The following DNAH11 variants were observed in gnomAD, a reference collection of about 807,000 sequenced individuals.
The protein encoded by DNAH11 is dynein axonemal heavy chain 11.
In DNAH11, 442 loss-of-function variants were observed where a neutral mutation model predicts 526.0. That is an observed-to-expected ratio of 0.84 (90% confidence interval 0.78 to 0.91). DNAH11 has a LOEUF of 0.91. DNAH11 is among the 40% of genes least tolerant of loss of function. DNAH11 has a pLI of 0.00. For missense variants in DNAH11, 6,989 were observed against 5,448.7 expected, an observed-to-expected ratio of 1.28 and a Z score of -8.90; for synonymous variants, 2,461 against 1,935.9, an observed-to-expected ratio of 1.27 and a Z score of -7.12.
At chr7:21,627,985 T>G (rs937876151) in intron 25 of DNAH11, among the ~76,000 whole-genome samples, 2 of 152,168 alleles carry the variant, frequency 1.3e-5, no homozygotes, top group Non-Finnish European at 2.9e-5. Flanking sequence ...ATAGAAACTT[T>G]CACTTTTCAT....
At chr7:21,758,289 A>T (rs556979827) in intron 54 of DNAH11, among the ~76,000 whole-genome samples, 23 of 152,248 alleles carry the variant, frequency 1.5e-4, no homozygotes, top group Admixed American at 2.6e-4. Flanking sequence ...AAAAGGTGCA[A>T]CCTTGTACTC....
intron 54 of DNAH11, among the ~76,000 whole-genome samples, chr7:21,762,180 CGAGAT>C (rs900776062): frequency 6.6e-6 from 1 of 152,096 alleles, no homozygotes; most frequent in African/African-American, 2.4e-5. Flanking sequence ...GATTTCAACT[CGAGAT>C]GAGATTTGGG....
chr7:21,863,367 C>T (rs1323633900), intron 69 of DNAH11, among the ~76,000 whole-genome samples: 1 of 152,116 alleles, frequency 6.6e-6, no homozygotes, highest in African/African-American at 2.4e-5. Flanking sequence ...CTCGCTGTGT[C>T]GCCAGGCTGG....
At chr7:21,555,835 C>T (rs1409921048) in intron 2 of DNAH11, among the ~76,000 whole-genome samples, 2 of 152,252 alleles carry the variant, frequency 1.3e-5, no homozygotes, top group South Asian at 4.2e-4. Context: ...TGTTTCTGCT[C>T]TCGACTGGAG....
At chr7:21,752,694 A>AT (rs1367058751) in intron 54 of DNAH11, among the ~76,000 whole-genome samples, 1 of 151,766 alleles carries the variant, frequency 6.6e-6, no homozygotes, top group Non-Finnish European at 1.5e-5. Context: ...AATCTTTTTT[A>AT]TTTTTTATTT....
At chr7:21,719,431 G>GA (rs765409870) in intron 43 of DNAH11, among the ~76,000 whole-genome samples, 1 of 152,186 alleles carries the variant, frequency 6.6e-6, no homozygotes, top group Non-Finnish European at 1.5e-5. Context: ...TACTGTGGGA[G>GA]AAAATAGAAG....
At chr7:21,864,730 A>G in intron 70 of DNAH11, 73 bp downstream of exon 70, 1 of 1,423,980 alleles carries the variant, frequency 7.0e-7, no homozygotes, top group Non-Finnish European at 9.3e-7. Context: ...GTTGAAATGT[A>G]AACATTAAAG....
intron 48 of DNAH11, among the ~76,000 whole-genome samples, chr7:21,741,680 G>T (rs1356902890): frequency 6.6e-6 from 1 of 152,116 alleles, no homozygotes; most frequent in Non-Finnish European, 1.5e-5. Flanking sequence ...CAGAGTTTAT[G>T]GCAAAGTCAG....
At chr7:21,722,266 G>C (rs2128484373) in intron 44 of DNAH11, among the ~76,000 whole-genome samples, 1 of 152,252 alleles carries the variant, frequency 6.6e-6, no homozygotes, top group South Asian at 2.1e-4. Context: ...GGCAACATCA[G>C]GATTCCCACC....
At chr7:21,720,525 T>C (rs1390153436) in intron 43 of DNAH11, among the ~76,000 whole-genome samples, 200 bp from the exon 44 acceptor site, 8 of 152,236 alleles carry the variant, frequency 5.3e-5, no homozygotes, top group African/African-American at 1.9e-4. Flanking sequence ...ATTACCTAGA[T>C]CATTTTGGTT....
chr7:21,628,387 A>T (rs1266987258), intron 25 of DNAH11, among the ~76,000 whole-genome samples: 3 of 152,146 alleles, frequency 2.0e-5, no homozygotes, highest in Admixed American at 6.5e-5. Context: ...AGGAAAGGCT[A>T]TCAAATTTTC....
At chr7:21,572,057 G>C in intron 8 of DNAH11, 84 bp downstream of exon 8, 1 of 1,194,142 alleles carries the variant, frequency 8.4e-7, no homozygotes, top group Non-Finnish European at 1.1e-6. Context: ...GTGATAATAG[G>C]GACCATCCAT....
rs1562691022 is a variant in DNAH11, at chr7:21,600,091, C to T, written c.2972C>T (p.Ala991Val). The part of the protein sequence containing the change: ...FRMSAQMNRI[A>V]THLEIKNYQN... Reference sequence around the variant, plus strand: ...ATGTCTGCCCAGATGAACCGAATAGCAACACACCTGGAAATTAAAAATTAT... The same window carrying T: ...ATGTCTGCCCAGATGAACCGAATAGTAACACACCTGGAAATTAAAAATTAT... Residue 991 changes from alanine to valine, a missense_variant, in exon 15 of 82, where the codon GCA (alanine) becomes GTA (valine). Ala to Val is a moderately conservative substitution (Grantham distance 64). Transcript: ENST00000409508. 2 of 1,557,376 alleles carry T rather than the reference C, an allele frequency of 1.3e-6. No homozygotes were observed. The highest frequency in any genetic ancestry group is 2.3e-5 in the East Asian group (1 of 44,008).
intron 24 of DNAH11, 115 bp downstream of exon 24, chr7:21,619,337 G>A: frequency 2.4e-6 from 3 of 1,252,352 alleles, no homozygotes; most frequent in South Asian, 3.1e-5. Flanking sequence ...ATGAGTCCCA[G>A]TTTGTTCCCT....
intron 54 of DNAH11, among the ~76,000 whole-genome samples, chr7:21,764,281 T>C (rs1279277007): frequency 2.0e-5 from 2 of 100,460 alleles, no homozygotes; most frequent in African/African-American, 6.1e-5. Flanking sequence ...AAAACACTTG[T>C]TAAATGAGAT....
rs147333769 is a variant in DNAH11 at position 21,845,946 on chromosome 7, A to G, written c.10896+3198A>G. ...TTTTAGTCCTCCAGACAGATCTTCA[A>G]CATACTTTGTGAAATCTATACCTAA... On this transcript the variant is annotated intron_variant, in intron 66 of 81. Transcript: ENST00000409508. Among the ~76,000 whole-genome samples the G allele has an allele frequency of 9.9e-4, 151 of 152,274 alleles. 2 individuals carry two copies. Among genetic ancestry groups the G allele is most frequent in the African/African-American group, 3.5e-3 (145 of 41,572 alleles).
chr7:21,701,989 C>G (rs531647518), intron 36 of DNAH11, among the ~76,000 whole-genome samples: 1 of 152,102 alleles, frequency 6.6e-6, no homozygotes, highest in South Asian at 2.1e-4. Flanking sequence ...TACTGAGCAC[C>G]GTGCAATGTG....
intron 73 of DNAH11, among the ~76,000 whole-genome samples, chr7:21,871,495 C>A (rs1035412432): frequency 6.6e-6 from 1 of 152,154 alleles, no homozygotes; most frequent in East Asian, 1.9e-4. Flanking sequence ...AAAGTCACTA[C>A]CTAGAATATT....
chr7:21,816,443 T>A, intron 63 of DNAH11, 24 bp from the exon 64 acceptor site: 1 of 1,557,572 alleles, frequency 6.4e-7, no homozygotes, highest in Non-Finnish European at 8.7e-7. Context: ...GACCAATTTG[T>A]TGCATTCAAC....
Sources: allele counts gnomAD v4.1 joint callset (sites outside exome capture counted in the v4.1 genomes callset), GRCh38; gene constraint gnomAD v4.1.1; transcripts MANE v1.5; gene names NCBI Gene and HGNC (gene_info 2026-07-23, HGNC 2026-07-21).